The following SMIM35 variants were observed in gnomAD, a reference collection of about 807,000 sequenced individuals.
The protein encoded by SMIM35 is small integral membrane protein 35, also known as TMPRSS4 antisense RNA 1 (non-protein coding).
intron 1 of SMIM35, among the ~76,000 whole-genome samples, chr11:118,055,841 A>T (rs535964460): frequency 6.6e-6 from 1 of 152,300 alleles, no homozygotes; most frequent in East Asian, 1.9e-4. Context: ...CTGAGATAGC[A>T]CACAGTGACA....
At chr11:118,061,089 G>C (rs1041713009) in intron 1 of SMIM35, among the ~76,000 whole-genome samples, 1 of 152,198 alleles carries the variant, frequency 6.6e-6, no homozygotes, top group Non-Finnish European at 1.5e-5. Flanking sequence ...TCGTGGCCCT[G>C]CTTGTTCCAA....
intron 1 of SMIM35, among the ~76,000 whole-genome samples, chr11:118,064,197 A>G (rs926498181): frequency 8.5e-5 from 13 of 152,216 alleles, no homozygotes; most frequent in African/African-American, 1.4e-4. Context: ...ACAGAAGTCT[A>G]TTGCGTTGAT....
intron 1 of SMIM35, among the ~76,000 whole-genome samples, chr11:118,079,720 C>T (rs1219895638): frequency 7.7e-6 from 1 of 129,796 alleles, no homozygotes; most frequent in East Asian, 2.0e-4. Flanking sequence ...GGTACAGAGT[C>T]AAGGGGCTTG....
At chr11:118,050,289 C>A (rs528566764) in intron 1 of SMIM35, among the ~76,000 whole-genome samples, 7 of 152,352 alleles carry the variant, frequency 4.6e-5, no homozygotes, top group Middle Eastern at 3.4e-3. Flanking sequence ...AGGCAGCATC[C>A]CAGGCACAGG....
chr11:118,047,621 G>A (rs1944120416), intron 1 of SMIM35, among the ~76,000 whole-genome samples: 1 of 152,204 alleles, frequency 6.6e-6, no homozygotes, highest in African/African-American at 2.4e-5. Flanking sequence ...GAGACTGAGG[G>A]CTGGGAGAGA....
At chr11:118,057,367 A>T (rs1944330544) in intron 1 of SMIM35, among the ~76,000 whole-genome samples, 1 of 152,302 alleles carries the variant, frequency 6.6e-6, no homozygotes, top group African/African-American at 2.4e-5. Context: ...GTAGGAGGTC[A>T]GAGCATCTGA....
intron 3 of SMIM35, among the ~76,000 whole-genome samples, chr11:118,014,433 AATGG>A (rs1245235373): frequency 8.4e-6 from 1 of 118,844 alleles, no homozygotes; most frequent in Non-Finnish European, 1.7e-5. Context: ...TGGATGGATG[AATGG>A]ATGGATGGAT....
intron 1 of SMIM35, among the ~76,000 whole-genome samples, chr11:118,046,147 G>A (rs1446746660): frequency 6.6e-6 from 1 of 152,200 alleles, no homozygotes; most frequent in Non-Finnish European, 1.5e-5. Context: ...CCTCTGGACA[G>A]AGACCAGTTA....
chr11:118,084,037 CA>C (rs1214284458), intron 1 of SMIM35, among the ~76,000 whole-genome samples: 1 of 152,146 alleles, frequency 6.6e-6, no homozygotes, highest in Non-Finnish European at 1.5e-5. Flanking sequence ...GACTCCATCT[CA>C]AAAACAAAAC....
chr11:118,038,273 A>G (rs1202695902), intron 1 of SMIM35, among the ~76,000 whole-genome samples: 1 of 152,166 alleles, frequency 6.6e-6, no homozygotes, highest in African/African-American at 2.4e-5. Context: ...AAACTATAAG[A>G]CACATTTTCT....
chr11:118,078,867 C>T (rs934555301), intron 1 of SMIM35, among the ~76,000 whole-genome samples: 3 of 152,186 alleles, frequency 2.0e-5, no homozygotes, highest in African/African-American at 4.8e-5. Flanking sequence ...AACAGCCCCA[C>T]GCACATGCAC....
At chr11:118,024,015 C>CAAA (rs34791559) in intron 1 of SMIM35, among the ~76,000 whole-genome samples, 9,180 of 134,286 alleles carry the variant, frequency 0.068, 686 homozygotes, top group East Asian at 0.37. Context: ...ATGCCTTCTC[C>CAAA]AAAAAAAAAA....
At chr11:118,062,861 T>A (rs955255723) in intron 1 of SMIM35, among the ~76,000 whole-genome samples, 9 of 152,052 alleles carry the variant, frequency 5.9e-5, no homozygotes, top group African/African-American at 1.7e-4. Flanking sequence ...GTTAAGGTAT[T>A]CTAAGTCACA....
Position 118,020,285 on chromosome 11 carries a change from T to G in SMIM35, c.8-4476A>C, listed in dbSNP as rs12269761. ...CATCATAACTAACTGACTAAATAAA[T>G]AAATATATAAATAAATCTTGATAGC... On this transcript the variant is annotated intron_variant, in intron 1 of 4. Transcript: ENST00000689828. 5.9e-3 allele frequency among the ~76,000 whole-genome samples: 897 copies of G among 152,212 alleles called. 8 individuals carry two copies. The highest frequency in any genetic ancestry group is 0.02 in the African/African-American group (829 of 41,544).
chr11:118,077,613 G>T (rs1944758535), intron 1 of SMIM35, among the ~76,000 whole-genome samples: 1 of 152,144 alleles, frequency 6.6e-6, no homozygotes, highest in South Asian at 2.1e-4. Context: ...ATGTCTCCAG[G>T]TCTGTTGGTT....
chr11:118,048,491 T>A (rs951039208), intron 1 of SMIM35, among the ~76,000 whole-genome samples: 1 of 146,600 alleles, frequency 6.8e-6, no homozygotes, highest in African/African-American at 2.6e-5. Flanking sequence ...CCAGCCTGGA[T>A]GACAGAGCGA....
At chr11:118,080,807 C>T (rs893545622) in intron 1 of SMIM35, among the ~76,000 whole-genome samples, 2 of 152,178 alleles carry the variant, frequency 1.3e-5, no homozygotes, top group African/African-American at 4.8e-5. Context: ...TGCTTTCAGG[C>T]CTGAAAATCT....
chr11:118,080,119 C>A (rs1407883841), intron 1 of SMIM35, among the ~76,000 whole-genome samples: 1 of 152,206 alleles, frequency 6.6e-6, no homozygotes, highest in Non-Finnish European at 1.5e-5. Context: ...TTTCACCCTG[C>A]AGGTGCTCAA....
intron 1 of SMIM35, among the ~76,000 whole-genome samples, chr11:118,082,566 A>AAAGG (rs1565407948): frequency 6.7e-6 from 1 of 150,166 alleles, no homozygotes; most frequent in Admixed American, 6.6e-5. Context: ...GTCTCAAAAA[A>AAAGG]AAAGAAAGAA....
Sources: allele counts gnomAD v4.1 joint callset (sites outside exome capture counted in the v4.1 genomes callset), GRCh38; gene constraint gnomAD v4.1.1; transcripts MANE v1.5; gene names NCBI Gene and HGNC (gene_info 2026-07-23, HGNC 2026-07-21).